Variants in OTUD7A observed in about 807,000 individuals in gnomAD.
The protein encoded by OTUD7A is OTU deubiquitinase 7A.
A neutral mutation model predicts 65.7 loss-of-function variants in OTUD7A; 12 were observed. That is an observed-to-expected ratio of 0.18 (90% CI 0.12 to 0.30). OTUD7A has a LOEUF of 0.30. Ranked by LOEUF, OTUD7A falls within the 10% of genes least tolerant of loss-of-function variation. The pLI is 1.00. For missense variants in OTUD7A, 1,148 were observed against 1,304.8 expected, an observed-to-expected ratio of 0.88 and a Z score of 1.85; for synonymous variants, 641 against 586.3, an observed-to-expected ratio of 1.09 and a Z score of -1.35.
intron 4 of OTUD7A, among the ~76,000 whole-genome samples, chr15:31,566,308 G>A (rs1888873195): frequency 3.9e-5 from 6 of 152,160 alleles, no homozygotes; most frequent in Admixed American, 2.6e-4. Context: ...CATTGTGTAT[G>A]GGAAAATATT....
intron 1 of OTUD7A, chr15:31,767,470 C>T (rs762166682): frequency 3.6e-5 from 28 of 772,794 alleles, no homozygotes; most frequent in South Asian, 3.5e-4. Context: ...CACTTCATGG[C>T]AGATAATACC....
Position 31,821,082 on chromosome 15 carries a change from G to A in OTUD7A, c.-100+49425C>T, listed in dbSNP as rs139988254. 4.2e-3 allele frequency among the ~76,000 whole-genome samples: 633 copies of A among 149,274 alleles called. 14 individuals are homozygous for A. Among genetic ancestry groups the A allele is most frequent in the East Asian group, 0.026 (131 of 5,104 alleles). On this transcript the variant is annotated intron_variant, in intron 1 of 12. Coordinates refer to ENST00000307050, the MANE Select transcript of OTUD7A (RefSeq NM_001382637.1). ...GTCTTTTGTGACTGGCTCCTTTTGC[G>A]TAACATATTTTCCAGGGTCAATCGT...
chr15:31,635,934 G>A (rs1369911006), intron 3 of OTUD7A, among the ~76,000 whole-genome samples: 4 of 152,368 alleles, frequency 2.6e-5, no homozygotes, highest in East Asian at 3.9e-4. Context: ...ATGAAAACAG[G>A]GGGCGTGGCA....
intron 1 of OTUD7A, among the ~76,000 whole-genome samples, chr15:31,665,766 C>T (rs759141741): frequency 6.6e-6 from 1 of 152,138 alleles, no homozygotes; most frequent in African/African-American, 2.4e-5. Context: ...CAACTTTTCC[C>T]ATTCAGTATT....
At chr15:31,699,796 C>T (rs1210877414) in intron 1 of OTUD7A, among the ~76,000 whole-genome samples, 2 of 152,028 alleles carry the variant, frequency 1.3e-5, no homozygotes, top group African/African-American at 4.8e-5. Flanking sequence ...CAATAAACCA[C>T]AGACTTGTGA....
At chr15:31,806,000 A>T (rs377144137) in intron 1 of OTUD7A, among the ~76,000 whole-genome samples, 39 of 152,332 alleles carry the variant, frequency 2.6e-4, no homozygotes, top group African/African-American at 8.4e-4. Flanking sequence ...ACTGTAACAA[A>T]ATATATTTTA....
chr15:31,648,119 T>C (rs1237639533), intron 3 of OTUD7A, among the ~76,000 whole-genome samples: 3 of 152,108 alleles, frequency 2.0e-5, no homozygotes, highest in Non-Finnish European at 4.4e-5. Context: ...GAGAACCACT[T>C]CAGGGACATG....
At chr15:31,752,666 A>G (rs1218848702) in intron 1 of OTUD7A, among the ~76,000 whole-genome samples, 1 of 152,208 alleles carries the variant, frequency 6.6e-6, no homozygotes, top group East Asian at 1.9e-4. Flanking sequence ...ATTCACTAAT[A>G]TTACCGCCAA....
chr15:31,569,477 C>A (rs1888978601), intron 4 of OTUD7A, among the ~76,000 whole-genome samples: 1 of 152,218 alleles, frequency 6.6e-6, no homozygotes, highest in Non-Finnish European at 1.5e-5. Context: ...GCAAGAGGAG[C>A]AGGAGGAGAC....
intron 3 of OTUD7A, among the ~76,000 whole-genome samples, chr15:31,606,871 A>C (rs918633930): frequency 1.9e-4 from 29 of 152,218 alleles, no homozygotes; most frequent in African/African-American, 7.0e-4. Context: ...CTTTCATAAA[A>C]ATTTTCATAC....
intron 3 of OTUD7A, among the ~76,000 whole-genome samples, chr15:31,571,153 T>C (rs1889042726): frequency 6.6e-6 from 1 of 152,168 alleles, no homozygotes; most frequent in Non-Finnish European, 1.5e-5. Context: ...CCCATCAATA[T>C]ACATATTGAT....
chr15:31,642,820 CAAAG>C (rs898098496), intron 3 of OTUD7A, among the ~76,000 whole-genome samples: 8 of 152,020 alleles, frequency 5.3e-5, no homozygotes, highest in Admixed American at 3.3e-4. Flanking sequence ...TTATTGATCT[CAAAG>C]AACCCACTTT....
At chr15:31,663,833 T>A (rs1427193525) in intron 1 of OTUD7A, among the ~76,000 whole-genome samples, 3 of 152,064 alleles carry the variant, frequency 2.0e-5, no homozygotes, top group Non-Finnish European at 4.4e-5. Flanking sequence ...CCTCCCATCC[T>A]TCCCCCCAAG....
intron 1 of OTUD7A, among the ~76,000 whole-genome samples, chr15:31,774,902 G>C (rs1333025043): frequency 6.6e-6 from 1 of 150,886 alleles, no homozygotes; most frequent in Non-Finnish European, 1.5e-5. Flanking sequence ...GCCTTCTCGT[G>C]GGGGTCAGGC....
chr15:31,646,377 C>G (rs1339890354), intron 3 of OTUD7A, among the ~76,000 whole-genome samples: 1 of 152,096 alleles, frequency 6.6e-6, no homozygotes, highest in Non-Finnish European at 1.5e-5. Flanking sequence ...GGCTGGCTTT[C>G]CAGAGAGGAA....
At chr15:31,563,945 C>T (rs977375603) in intron 4 of OTUD7A, among the ~76,000 whole-genome samples, 4 of 152,136 alleles carry the variant, frequency 2.6e-5, no homozygotes, top group Admixed American at 6.5e-5. Context: ...ATGATAACTG[C>T]GTGCCCCAGG....
chr15:31,798,628 G>A (rs1425952063), intron 1 of OTUD7A, among the ~76,000 whole-genome samples: 1 of 152,210 alleles, frequency 6.6e-6, no homozygotes, highest in African/African-American at 2.4e-5. Flanking sequence ...CCTCACTGAG[G>A]ATAACCAGGA....
At chr15:31,560,062 C>T (rs1451467432) in intron 4 of OTUD7A, among the ~76,000 whole-genome samples, 1 of 152,248 alleles carries the variant, frequency 6.6e-6, no homozygotes, top group Non-Finnish European at 1.5e-5. Context: ...GCTCTTGGGT[C>T]TGAAGTTACA....
At chr15:31,673,890 G>A (rs1892539886) in intron 1 of OTUD7A, among the ~76,000 whole-genome samples, 1 of 152,190 alleles carries the variant, frequency 6.6e-6, no homozygotes, top group East Asian at 1.9e-4. Flanking sequence ...AGGCTGCCCT[G>A]GAGGACAGGG....
Sources: allele counts gnomAD v4.1 joint callset (sites outside exome capture counted in the v4.1 genomes callset), GRCh38; gene constraint gnomAD v4.1.1; transcripts MANE v1.5; gene names NCBI Gene and HGNC (gene_info 2026-07-23, HGNC 2026-07-21).